Variants in ASXL3 observed in about 807,000 individuals in gnomAD.
ASXL3 encodes putative Polycomb group protein ASXL3.
Under a neutral mutation model 170.6 loss-of-function variants are expected in ASXL3, and 34 were observed. The observed-to-expected ratio is 0.20, with a 90% confidence interval of 0.15 to 0.27. The LOEUF (loss-of-function observed/expected upper bound fraction) is 0.27, where lower values mean the gene tolerates loss of function less well. Ranked by LOEUF, ASXL3 falls within the 10% of genes least tolerant of loss-of-function variation. The pLI, the probability that ASXL3 is intolerant of heterozygous loss-of-function variation, is 1.00. For missense variants in ASXL3, 2,592 were observed against 2,695.3 expected, an observed-to-expected ratio of 0.96 and a Z score of 0.85; for synonymous variants, 1,002 against 989.1, an observed-to-expected ratio of 1.01 and a Z score of -0.24.
chr18:33,725,549 A>G (rs965722402), intron 8 of ASXL3, among the ~76,000 whole-genome samples: 1 of 152,160 alleles, frequency 6.6e-6, no homozygotes, highest in East Asian at 1.9e-4. Context: ...TATTCTTCCA[A>G]TGTTCTCATC....
At chr18:33,674,219 C>T (rs545927645) in intron 7 of ASXL3, among the ~76,000 whole-genome samples, 1 of 152,176 alleles carries the variant, frequency 6.6e-6, no homozygotes, top group East Asian at 1.9e-4. Flanking sequence ...ATCATCTAAC[C>T]TATATTTTAG....
chr18:33,673,351 C>T (rs1314512787), intron 7 of ASXL3, among the ~76,000 whole-genome samples: 1 of 150,896 alleles, frequency 6.6e-6, no homozygotes, highest in African/African-American at 2.4e-5. Flanking sequence ...TCAGTATCCT[C>T]TCAGGGGCTG....
At position 33,622,472 on chromosome 18, in the gene ASXL3, A is replaced by C. The variant is rs1403629161; in HGVS notation, c.137+14796A>C. 2.6e-5 allele frequency among the ~76,000 whole-genome samples: 4 copies of C among 152,186 alleles called. No homozygotes were observed. The South Asian group carries it at 8.3e-4, about 32-fold the overall frequency. ...CCAAGAAATTAGCTGTTTACTTTATAGCACAATCTATTCTGTAAGCTGATG... is the reference window on the plus strand; with the variant it reads ...CCAAGAAATTAGCTGTTTACTTTATCGCACAATCTATTCTGTAAGCTGATG... On this transcript the variant is annotated intron_variant, in intron 2 of 11. Coordinates refer to ENST00000269197, the MANE Select transcript of ASXL3 (RefSeq NM_030632.3).
At chr18:33,718,907 T>C (rs897160634) in intron 8 of ASXL3, among the ~76,000 whole-genome samples, 3 of 151,912 alleles carry the variant, frequency 2.0e-5, no homozygotes, top group Admixed American at 1.3e-4. Flanking sequence ...GCTCCTAGAG[T>C]ATGTCTGCTA....
At position 33,747,944 on chromosome 18, in the gene ASXL3, C is replaced by G. The variant is rs77328449; in HGVS notation, c.*1349C>G. ...GGCCACCCTCATACCAGAGGACAGC[C>G]GTAGTTCAGGAGGCTCTGTTTTCAA... On this transcript the variant is annotated 3_prime_UTR_variant, in exon 12 of 12. Transcript: ENST00000269197. The G allele has an allele frequency of 3.3e-5, 5 of 152,116 alleles. No homozygotes were observed. Among genetic ancestry groups the G allele is most frequent in the African/African-American group, 1.2e-4 (5 of 41,410 alleles). The allele number at this position is 152,116 out of a possible 1,614,324, so 9.4% of individuals were successfully genotyped here.
intron 2 of ASXL3, among the ~76,000 whole-genome samples, chr18:33,640,119 G>A (rs1416732571): frequency 6.6e-6 from 1 of 151,832 alleles, no homozygotes; most frequent in African/African-American, 2.4e-5. Context: ...TTATGTTACT[G>A]CACAATAAAA....
At chr18:33,729,124 C>T (rs545056911) in intron 8 of ASXL3, among the ~76,000 whole-genome samples, 7 of 151,258 alleles carry the variant, frequency 4.6e-5, no homozygotes, top group African/African-American at 1.7e-4. Context: ...CGAAACAGGG[C>T]CTGGAACAAG....
In ASXL3 at chr18:33,578,458, C is replaced by CCACCCGCCGCCGCCGCCGCCGCCGCCG. The variant is rs1472191453; in HGVS notation, c.-173_-172insACCCGCCGCCGCCGCCGCCGCCGCCGC. 1.1e-5 allele frequency: 1 copy of CCACCCGCCGCCGCCGCCGCCGCCGCCG among 92,230 alleles called. No homozygotes were observed. The highest frequency in any genetic ancestry group is 6.0e-5 in the African/African-American group (1 of 16,634). 5.7% of individuals were successfully genotyped at this position (92,230 alleles called of 1,614,324 possible). On this transcript the variant is annotated 5_prime_UTR_variant, in exon 1 of 12. Transcript: ENST00000269197. ...CCACCCCCTCGCTCCATCCCTCCCA[C>CCACCCGCCGCCGCCGCCGCCGCCGCCG]CCGCCGCCGCCGCCGCCGCCGCCGC...
chr18:33,734,288 T>A, intron 9 of ASXL3, 22 bp from the exon 10 acceptor site: 1 of 1,526,038 alleles, frequency 6.6e-7, no homozygotes, highest in Non-Finnish European at 8.9e-7. Flanking sequence ...ATTTATTCAA[T>A]ACATTAGCAT....
intron 1 of ASXL3, among the ~76,000 whole-genome samples, chr18:33,590,070 G>T (rs2065064054): frequency 6.8e-6 from 1 of 147,598 alleles, no homozygotes; most frequent in South Asian, 2.1e-4. Context: ...TCTAGGTGAG[G>T]TAGGGACTTA....
At chr18:33,726,361 A>G (rs777791340) in intron 8 of ASXL3, among the ~76,000 whole-genome samples, 9 of 152,118 alleles carry the variant, frequency 5.9e-5, no homozygotes, top group Non-Finnish European at 1.2e-4. Flanking sequence ...CCTATATACT[A>G]GTGTTCCTGG....
Position 33,671,843 on chromosome 18 carries a change from A to G in ASXL3, c.692A>G (p.Lys231Arg). The G allele has an allele frequency of 6.2e-7, 1 of 1,609,568 alleles. No homozygotes were observed. Among genetic ancestry groups the G allele is most frequent in the Non-Finnish European group, 8.5e-7 (1 of 1,177,968 alleles). ...PTGKQTSQHLKRLKKSGLGHL... is the reference protein window; with the variant it reads ...PTGKQTSQHLRRLKKSGLGHL... ...GGAAAACAAACAAGTCAGCACTTAAAACGATTAAAAAAGTCTGGTTTAGGT... is the reference window on the plus strand; with the variant it reads ...GGAAAACAAACAAGTCAGCACTTAAGACGATTAAAAAAGTCTGGTTTAGGT... Residue 231 changes from lysine (K) to arginine (R), a missense_variant, in exon 7 of 12, where the codon AAA becomes AGA. Physicochemically the swap from Lys to Arg is conservative, Grantham distance 26. Around this residue, in one of 4 missense-constraint regions of ASXL3, gnomAD observed 251 missense variants for 281.9 expected, o/e 0.89. Transcript: ENST00000269197.
chr18:33,671,766 T>G lies in ASXL3; in HGVS notation c.615T>G (p.Gly205=), dbSNP rs1188785669. 1.1e-5 allele frequency: 18 copies of G among 1,607,384 alleles called. No individual in the cohort carries two copies. The highest frequency in any genetic ancestry group is 1.4e-5 in the Non-Finnish European group (17 of 1,176,436). ...TTTTAGGATCTGAATCTAAAAATGG[T>G]GAAGCAGACAGTTCAGATAAAGAAA... The part of the protein sequence containing the change: ...DSPSGSESKN[G]EADSSDKEMK... Residue 205 remains glycine, a synonymous_variant, in exon 7 of 12, where the codon GGT becomes GGG. Transcript: ENST00000269197.
rs1321395753 is a variant in ASXL3 at position 33,743,227 on chromosome 18, A to C, written c.3379A>C (p.Thr1127Pro). 6.2e-7 allele frequency: 1 copy of C among 1,613,762 alleles called. No homozygotes were observed. Among genetic ancestry groups the C allele is most frequent in the Non-Finnish European group, 8.5e-7 (1 of 1,179,866 alleles). Reference protein sequence around the residue: ...RAHLFQTSKETRLPPPLSSKE... With the variant: ...RAHLFQTSKEPRLPPPLSSKE... Reference sequence around the variant, plus strand: ...CCATCTCTTCCAGACCTCTAAAGAGACCCGGTTGCCTCCTCCGCTCAGCTC... The same window carrying C: ...CCATCTCTTCCAGACCTCTAAAGAGCCCCGGTTGCCTCCTCCGCTCAGCTC... Residue 1127 changes from threonine (T) to proline (P), a missense_variant, in exon 12 of 12, where the codon ACC becomes CCC. Coordinates refer to ENST00000269197, the MANE Select transcript of ASXL3 (RefSeq NM_030632.3).
Position 33,745,452 on chromosome 18 carries a change from A to G in ASXL3, c.5604A>G (p.Leu1868=), listed in dbSNP as rs2067763581. 1.2e-6 allele frequency: 2 copies of G among 1,614,060 alleles called. No individual in the cohort carries two copies. Among genetic ancestry groups the G allele is most frequent in the Non-Finnish European group, 1.7e-6 (2 of 1,179,902 alleles). The change falls in exon 12 of 12, where the codon CTA becomes CTG. Residue 1868 remains leucine (L), a synonymous_variant. Transcript: ENST00000269197. ...TCATCAGTTCCGGCATCAGTCAGCT[A>G]GGACACAGCCAGCCATTTAAGCAAG... ...PCVISSGISQ[L]GHSQPFKQEW...
At chr18:33,716,706 T>C (rs1236396946) in intron 8 of ASXL3, among the ~76,000 whole-genome samples, 1 of 152,140 alleles carries the variant, frequency 6.6e-6, no homozygotes, top group East Asian at 1.9e-4. Context: ...AAGTGAACTG[T>C]TGGCTTGTAA....
chr18:33,604,907 G>A (rs2065227285), intron 1 of ASXL3, among the ~76,000 whole-genome samples: 1 of 151,970 alleles, frequency 6.6e-6, no homozygotes, highest in Non-Finnish European at 1.5e-5. Flanking sequence ...GGAGGAGGGG[G>A]CAGATGTTAA....
intron 8 of ASXL3, among the ~76,000 whole-genome samples, chr18:33,716,608 A>T (rs2067169496): frequency 6.6e-6 from 1 of 152,006 alleles, no homozygotes; most frequent in South Asian, 2.1e-4. Flanking sequence ...GATTGGTGTA[A>T]TTTAGGTGGC....
rs2067846215 is a variant in ASXL3, at chr18:33,749,186, A to T, written c.*2591A>T. The stretch of plus-strand genomic sequence containing the variant: ...AAATATAAGGGAAAGGAAGAAGAGA[A>T]ATTTAGATGTAAAATGTGGGTCAGA... On this transcript the variant is annotated 3_prime_UTR_variant, in exon 12 of 12. Transcript: ENST00000269197. 2 of 152,024 alleles carry T rather than the reference A, an allele frequency of 1.3e-5. No homozygotes were observed. The allele number at this position is 152,024 out of a possible 1,614,324, so 9.4% of individuals were successfully genotyped here.
Sources: allele counts gnomAD v4.1 joint callset (sites outside exome capture counted in the v4.1 genomes callset), GRCh38; gene constraint gnomAD v4.1.1; regional missense constraint gnomAD v4.1.1; transcripts MANE v1.5; gene names NCBI Gene and HGNC (gene_info 2026-07-23, HGNC 2026-07-21).